Variants in CYP2A7 observed in about 807,000 individuals in gnomAD.
CYP2A7 encodes cytochrome P450 family 2 subfamily A member 7.
Under a neutral mutation model 42.0 loss-of-function variants are expected in CYP2A7, and 36 were observed. That is an observed-to-expected ratio of 0.86 (90% CI 0.66 to 1.13). The LOEUF is 1.13. CYP2A7 is among the 50% of genes most tolerant of loss of function. The pLI is 0.00. For missense variants in CYP2A7, 661 were observed against 634.1 expected (o/e 1.04, Z -0.46); for synonymous variants, 260 against 249.5 (o/e 1.04, Z -0.40).
intron 6 of CYP2A7, 32 bp from the exon 7 acceptor site, chr19:40,877,409 C>T (rs751077349): frequency 1.9e-5 from 30 of 1,606,224 alleles, no homozygotes; most frequent in Non-Finnish European, 2.5e-5. Flanking sequence ...GTTTAGGTAT[C>T]TGGGAGTCTC....
intron 5 of CYP2A7, among the ~76,000 whole-genome samples, chr19:40,878,417 AT>A (rs1231736216): frequency 6.6e-6 from 1 of 151,810 alleles, no homozygotes; most frequent in African/African-American, 2.4e-5. Context: ...ACAGGGTCTC[AT>A]TCTGTCACCC....
chr19:40,877,291 C>A lies in CYP2A7; in HGVS notation c.1060G>T (p.Ala354Ser), dbSNP rs748145822. The change falls in exon 7 of 9, where the codon GCA (alanine) becomes TCA (serine). Residue 354 changes from alanine (A) to serine (S), a missense_variant. This residue lies in a region of CYP2A7 where 614 missense variants were observed against 552.4 expected (regional missense o/e 1.11). Transcript: ENST00000301146. ...EDRTKMPYME[A>S]VIHEIQRFGD... ...AATCTTTGGATCTCGTGGATCACTG[C>A]CTCCATGTAGGGCATCTTGGTCCGG... 1.9e-6 allele frequency: 3 copies of A among 1,612,806 alleles called. No homozygotes were observed. Among genetic ancestry groups the A allele is most frequent in the Non-Finnish European group, 1.7e-6 (2 of 1,179,184 alleles).
chr19:40,879,040 G>T lies in CYP2A7; in HGVS notation c.655-104C>A, dbSNP rs1967600206. 1.6e-5 allele frequency: 24 copies of T among 1,468,058 alleles called. No homozygotes were observed. In the South Asian group the frequency reaches 3.2e-4, roughly 20 times the overall value. The allele number at this position is 1,468,058 out of a possible 1,614,324, so 90.9% of individuals were successfully genotyped here. A position where few individuals can be genotyped will look rare whatever the true frequency, so the allele number is the denominator to read the frequency against. The stretch of plus-strand genomic sequence containing the variant: ...TAGCAAGGAAGGAACTGAGTTAAAG[G>T]CATCTGTCTCATTGTTTAGGTATTT... On this transcript the variant is annotated intron_variant, in intron 4 of 8. Coordinates refer to ENST00000301146, the MANE Select transcript of CYP2A7 (RefSeq NM_000764.3).
chr19:40,881,878 A>C lies in CYP2A7; in HGVS notation c.181-127T>G, dbSNP rs532894348. On this transcript the variant is annotated intron_variant, in intron 1 of 8. Coordinates refer to ENST00000301146, the MANE Select transcript of CYP2A7 (RefSeq NM_000764.3). ...CACAGTCAGGGAGCTGGACATCCCA[A>C]GATCCTGTCTTTCCTGGCTAGGACC... The C allele has an allele frequency of 1.8e-4, 278 of 1,514,068 alleles. 6 individuals carry two copies. In the South Asian group the frequency reaches 3.0e-3, roughly 16 times the overall value. 93.8% of individuals were successfully genotyped at this position (1,514,068 alleles called of 1,614,324 possible).
chr19:40,875,966 A>G, intron 8 of CYP2A7, 92 bp from the exon 9 acceptor site: 2 of 1,483,666 alleles, frequency 1.3e-6, no homozygotes, highest in Non-Finnish European at 1.8e-6. Flanking sequence ...TCTCCCAGGG[A>G]GGAGGGGTGG....
intron 4 of CYP2A7, among the ~76,000 whole-genome samples, chr19:40,879,370 T>C (rs1457899614): frequency 6.6e-6 from 1 of 151,516 alleles, no homozygotes; most frequent in Non-Finnish European, 1.5e-5. Context: ...TGGGTCTGGA[T>C]TGGGGGCTTT....
At chr19:40,881,844 C>T in intron 1 of CYP2A7, 93 bp from the exon 2 acceptor site, 1 of 1,552,474 alleles carries the variant, frequency 6.4e-7, no homozygotes, top group Middle Eastern at 1.9e-4. Context: ...TCCTTCACCC[C>T]CAGGTTCTCA....
At chr19:40,880,420 G>C (rs942282482) in intron 3 of CYP2A7, 59 bp downstream of exon 3, 3 of 1,586,136 alleles carry the variant, frequency 1.9e-6, no homozygotes, top group Non-Finnish European at 2.6e-6. Flanking sequence ...AACGCGCGCG[G>C]GTTCCTCGTC....
At chr19:40,882,004 G>A in intron 1 of CYP2A7, 27 bp downstream of exon 1, 1 of 1,602,522 alleles carries the variant, frequency 6.2e-7, no homozygotes. Context: ...CCCACCCTGT[G>A]CCACCCATCT....
In CYP2A7 at chr19:40,877,381, G is replaced by C; in HGVS notation, c.974-4C>G. The stretch of plus-strand genomic sequence containing the variant: ...TCAATCTCCTCATGGACCTTGGCTG[G>C]GGGAGGAGGGGGAATGTGTTTAGGT... On this transcript the variant is annotated splice_region_variant and splice_polypyrimidine_tract_variant and intron_variant, in intron 6 of 8. Coordinates refer to ENST00000301146, the MANE Select transcript of CYP2A7 (RefSeq NM_000764.3). The C allele has an allele frequency of 1.2e-6, 2 of 1,611,040 alleles. No individual in the cohort carries two copies. The highest frequency in any genetic ancestry group is 1.7e-6 in the Non-Finnish European group (2 of 1,177,772).
At position 40,877,024 on chromosome 19, in the gene CYP2A7, G is replaced by A. The variant is rs531265866; in HGVS notation, c.1161+166C>T. 6 of 762,170 alleles carry A rather than the reference G, an allele frequency of 7.9e-6. No individual in the cohort carries two copies. The African/African-American group carries it at 1.1e-4, about 13-fold the overall frequency. The allele number at this position is 762,170 out of a possible 1,614,324, so 47.2% of individuals were successfully genotyped here. On this transcript the variant is annotated intron_variant, in intron 7 of 8. Transcript: ENST00000301146. ...GAGTCTGGGGAGATGCAGGACTCAG[G>A]AGTGTCTAAGTGGAAAGGTGGAATG... is the stretch of plus-strand genomic sequence containing the variant.
chr19:40,877,545 G>A (rs1313400954), intron 6 of CYP2A7, among the ~76,000 whole-genome samples, 168 bp from the exon 7 acceptor site: 1 of 151,578 alleles, frequency 6.6e-6, no homozygotes, highest in East Asian at 1.9e-4. Context: ...GTAGGATCCT[G>A]TTAACCAGGT....
rs1967635662 is a variant in CYP2A7, at chr19:40,880,558, G to T, written c.414C>A (p.Phe138Leu). 2 of 1,611,382 alleles carry T rather than the reference G, an allele frequency of 1.2e-6. No homozygotes were observed. The highest frequency in any genetic ancestry group is 1.7e-6 in the Non-Finnish European group (2 of 1,178,496). The change falls in exon 3 of 9, where the codon TTC (phenylalanine) becomes TTA (leucine). Residue 138 changes from phenylalanine to leucine, a missense_variant. Around this residue, in one of 3 missense-constraint regions of CYP2A7, gnomAD observed 614 missense variants for 552.4 expected, o/e 1.11. Coordinates refer to ENST00000301146, the MANE Select transcript of CYP2A7 (RefSeq NM_000764.3). ...LRFAIATLRD[F>L]GVGKRGIEER... ...CCTCGATGCCTCGCTTGCCCACCCC[G>T]AAGTCCCTCAGGGTGGCGATGGCAA...
In CYP2A7 at chr19:40,880,531, C is replaced by A. The variant is rs201968585; in HGVS notation, c.441G>T (p.Glu147Asp). Residue 147 changes from glutamate to aspartate, a missense_variant, in exon 3 of 9, where the codon GAG becomes GAT. By Grantham distance (45) the Glu-to-Asp change is conservative. Around this residue, in one of 3 missense-constraint regions of CYP2A7, gnomAD observed 614 missense variants for 552.4 expected, o/e 1.11. Coordinates refer to ENST00000301146, the MANE Select transcript of CYP2A7 (RefSeq NM_000764.3). The stretch of plus-strand genomic sequence containing the variant: ...GGAAGCCCGACTCCTCCTGGATGCG[C>A]TCCTCGATGCCTCGCTTGCCCACCC... ...DFGVGKRGIE[E>D]RIQEESGFLI... 1.2e-6 allele frequency: 2 copies of A among 1,612,134 alleles called. No homozygotes were observed. The highest frequency in any genetic ancestry group is 1.7e-5 in the Admixed American group (1 of 59,794).
rs545933750 is a variant in CYP2A7 at position 40,881,484 on chromosome 19, G to A, written c.343+105C>T. Reference sequence around the variant, plus strand: ...ATGGGGAGATAAGACCAGACCGGGGGTTCTGCCATAGCCTCCAGTGGGCAG... The same window carrying A: ...ATGGGGAGATAAGACCAGACCGGGGATTCTGCCATAGCCTCCAGTGGGCAG... On this transcript the variant is annotated intron_variant, in intron 2 of 8. Transcript: ENST00000301146. The A allele has an allele frequency of 7.0e-4, 1,089 of 1,563,900 alleles. 11 individuals carry two copies. The African/African-American group carries it at 0.013, about 19-fold the overall frequency.
intron 4 of CYP2A7, among the ~76,000 whole-genome samples, chr19:40,879,627 C>T (rs573867810): frequency 8.6e-5 from 13 of 151,450 alleles, no homozygotes; most frequent in African/African-American, 2.2e-4. Context: ...AAGTAGAGGG[C>T]GCTTGGCCAG....
In CYP2A7 at chr19:40,877,297, T is replaced by C. The variant is rs1402963921; in HGVS notation, c.1054A>G (p.Met352Val). The C allele has an allele frequency of 1.2e-6, 2 of 1,612,814 alleles. No individual in the cohort carries two copies. The highest frequency in any genetic ancestry group is 2.2e-5 in the South Asian group (2 of 91,020). The change falls in exon 7 of 9, where the codon ATG becomes GTG. Residue 352 changes from methionine (M) to valine (V), a missense_variant. By Grantham distance (21) the Met-to-Val change is conservative. Coordinates refer to ENST00000301146, the MANE Select transcript of CYP2A7 (RefSeq NM_000764.3). The part of the protein sequence containing the change: ...KFEDRTKMPY[M>V]EAVIHEIQRF... ...TGGATCTCGTGGATCACTGCCTCCA[T>C]GTAGGGCATCTTGGTCCGGTCCTCA...
intron 2 of CYP2A7, among the ~76,000 whole-genome samples, chr19:40,880,959 G>A (rs1967668385): frequency 1.3e-5 from 2 of 151,058 alleles, no homozygotes; most frequent in Admixed American, 6.6e-5. Context: ...CATGGAGGAA[G>A]GGTAGGAAGT....
In CYP2A7 at chr19:40,878,868, C is replaced by A. The variant is rs1235457393; in HGVS notation, c.723G>T (p.Leu241=). 1 of 1,610,944 alleles carries A rather than the reference C, an allele frequency of 6.2e-7. No homozygotes were observed. Among genetic ancestry groups the A allele is most frequent in the East Asian group, 2.2e-5 (1 of 44,884 alleles). The change falls in exon 5 of 9, where the codon CTG becomes CTT. Residue 241 remains leucine (L), a synonymous_variant. Coordinates refer to ENST00000301146, the MANE Select transcript of CYP2A7 (RefSeq NM_000764.3). ...PGPQQQAFKL[L]QGLEDFIAKK... The stretch of plus-strand genomic sequence containing the variant: ...TGGCTATGAAGTCCTCCAGCCCTTG[C>A]AGCAACTTAAAGGCCTGTTGCTGTG...
Sources: allele counts gnomAD v4.1 joint callset (sites outside exome capture counted in the v4.1 genomes callset), GRCh38; gene constraint gnomAD v4.1.1; regional missense constraint gnomAD v4.1.1; transcripts MANE v1.5; gene names NCBI Gene and HGNC (gene_info 2026-07-23, HGNC 2026-07-21).